The following HM13 variants were observed in gnomAD, a reference collection of about 807,000 sequenced individuals.
HM13 encodes the protein histocompatibility minor 13.
Under a neutral mutation model 50.0 loss-of-function variants are expected in HM13, and 18 were observed. That is an observed-to-expected ratio of 0.36 (90% CI 0.25 to 0.53). HM13 has a LOEUF of 0.53. Among genes scored for constraint, HM13 ranks in the 20% least tolerant of loss-of-function variants. The pLI is 0.90. For missense variants in HM13, 393 were observed against 552.4 expected (o/e 0.71, Z 2.89); for synonymous variants, 197 against 232.6 (o/e 0.85, Z 1.39).
chr20:31,564,607 G>C (rs1197403610), intron 10 of HM13, among the ~76,000 whole-genome samples: 1 of 152,010 alleles, frequency 6.6e-6, no homozygotes, highest in African/African-American at 2.4e-5. Flanking sequence ...GGAATGCTGT[G>C]AGGGAAATTA....
At chr20:31,544,901 GC>G in intron 3 of HM13, 45 bp from the exon 4 acceptor site, 2 of 1,517,474 alleles carry the variant, frequency 1.3e-6, no homozygotes, top group Middle Eastern at 1.7e-4. Context: ...AAGGCTGACT[GC>G]CCATGGGGGC....
At chr20:31,518,910 A>T (rs1273336553) in intron 1 of HM13, among the ~76,000 whole-genome samples, 1 of 151,618 alleles carries the variant, frequency 6.6e-6, no homozygotes, top group African/African-American at 2.4e-5. Context: ...TATGGTGGGG[A>T]GGGTAGGTAA....
chr20:31,538,547 G>C, intron 3 of HM13: 1 of 1,359,868 alleles, frequency 7.4e-7, no homozygotes, highest in Non-Finnish European at 9.5e-7. Flanking sequence ...AGTTGTGACA[G>C]TACTCAGGTG....
intron 4 of HM13, chr20:31,547,384 C>T (rs1254857590): frequency 2.5e-6 from 1 of 402,390 alleles, no homozygotes. Flanking sequence ...CGGTTAGCGA[C>T]AACGGCTCTG....
intron 4 of HM13, among the ~76,000 whole-genome samples, chr20:31,545,342 T>C (rs2122610968): frequency 6.6e-6 from 1 of 150,598 alleles, no homozygotes; most frequent in East Asian, 1.9e-4. Flanking sequence ...TGGAAAGCAT[T>C]CAGCATGGTG....
At position 31,514,909 on chromosome 20, in the gene HM13, G is replaced by C. The variant is rs1981679124; in HGVS notation, c.183+175G>C. On this transcript the variant is annotated intron_variant, in intron 1 of 12. Coordinates refer to ENST00000398174, the MANE Select transcript of HM13 (RefSeq NM_178581.3). This position sits in a 1 kb window ranked among gnomAD's most constrained non-coding sequence, Gnocchi z 4.3. The stretch of plus-strand genomic sequence containing the variant: ...CCGGGGCTGGCATTTCCTACCCCGG[G>C]ATCTGGGCACCGACCCCCGACCAGG... Among the ~76,000 whole-genome samples the C allele has an allele frequency of 6.6e-6, 1 of 152,050 alleles. No individual in the cohort carries two copies. The highest frequency in any genetic ancestry group is 6.6e-5 in the Admixed American group (1 of 15,266).
chr20:31,534,807 C>T (rs368634416), intron 2 of HM13, among the ~76,000 whole-genome samples: 2 of 144,678 alleles, frequency 1.4e-5, no homozygotes. Flanking sequence ...AGAAATGGGC[C>T]GGGTGCAGTG....
At chr20:31,549,394 C>G (rs768793427) in intron 6 of HM13, 62 bp downstream of exon 6, 1 of 1,603,104 alleles carries the variant, frequency 6.2e-7, no homozygotes, top group Non-Finnish European at 8.5e-7. Context: ...CATCACCCTG[C>G]CTCTCTGGCC....
intron 2 of HM13, among the ~76,000 whole-genome samples, chr20:31,528,381 A>G (rs1310929668): frequency 2.6e-5 from 4 of 152,268 alleles, no homozygotes; most frequent in South Asian, 2.1e-4. Context: ...CAATGGCGCC[A>G]TCACAGTTCA....
intron 3 of HM13, among the ~76,000 whole-genome samples, chr20:31,542,308 CTG>C (rs2122602395): frequency 6.6e-6 from 1 of 152,220 alleles, no homozygotes; most frequent in East Asian, 1.9e-4. Flanking sequence ...TCATCTGTGT[CTG>C]AGCTCGTGCC....
chr20:31,523,058 T>G (rs1982270804), intron 1 of HM13, among the ~76,000 whole-genome samples: 1 of 150,808 alleles, frequency 6.6e-6, no homozygotes, highest in African/African-American at 2.5e-5. Flanking sequence ...GGGGGGCTTT[T>G]TTTTTTTTAT....
chr20:31,526,195 C>T (rs1982483270), intron 1 of HM13, among the ~76,000 whole-genome samples: 1 of 150,400 alleles, frequency 6.6e-6, no homozygotes, highest in Non-Finnish European at 1.5e-5. Context: ...CTTGCTGTGT[C>T]TCCCAGGCTA....
At position 31,544,989 on chromosome 20, in the gene HM13, A is replaced by G. The variant is rs371748357; in HGVS notation, c.408A>G (p.Arg136=). ...NKFFPASFPN[R]QYQLLFTQGS... The stretch of plus-strand genomic sequence containing the variant: ...TTTTTCCAGCCAGCTTTCCAAATCG[A>G]CAGTACCAGCTGCTCTTCACACAGG... Residue 136 remains arginine, a synonymous_variant, in exon 4 of 13, where the codon CGA becomes CGG. Transcript: ENST00000398174. The G allele has an allele frequency of 9.9e-6, 16 of 1,614,064 alleles. No individual in the cohort carries two copies. The African/African-American group carries it at 2.0e-4, about 20-fold the overall frequency.
chr20:31,558,796 T>C (rs1984454097), intron 8 of HM13, among the ~76,000 whole-genome samples: 1 of 152,144 alleles, frequency 6.6e-6, no homozygotes, highest in African/African-American at 2.4e-5. Context: ...TGATCTCGGC[T>C]CACTGCAACC....
chr20:31,544,473 T>A (rs1983607377), intron 3 of HM13, among the ~76,000 whole-genome samples: 1 of 152,216 alleles, frequency 6.6e-6, no homozygotes, highest in African/African-American at 2.4e-5. Context: ...ATCTCAGTCC[T>A]GCTGTTGGAA....
At chr20:31,515,658 C>A (rs1981728351) in intron 1 of HM13, among the ~76,000 whole-genome samples, 1 of 152,180 alleles carries the variant, frequency 6.6e-6, no homozygotes, top group South Asian at 2.1e-4. Flanking sequence ...CCTGGCCTTC[C>A]TCAACATCTG....
intron 2 of HM13, among the ~76,000 whole-genome samples, chr20:31,535,777 C>A (rs1165541864): frequency 6.6e-6 from 1 of 152,178 alleles, no homozygotes; most frequent in Non-Finnish European, 1.5e-5. Context: ...AGCTGACCAT[C>A]CCTGTCCTCA....
rs188432571 is a variant in HM13, at chr20:31,548,972, C to T, written c.455-57C>T. ...ATGCCCTCCTCCGTCCAGGGGCTGA[C>T]AGGTGGGAGGGGTAGCCCTGCCTCA... On this transcript the variant is annotated intron_variant, in intron 4 of 12. Transcript: ENST00000398174. 25 of 1,448,354 alleles carry T rather than the reference C, an allele frequency of 1.7e-5. No homozygotes were observed. In the Admixed American group the frequency reaches 3.2e-4, roughly 18 times the overall value. The allele number at this position is 1,448,354 out of a possible 1,614,324, so 89.7% of individuals were successfully genotyped here.
At chr20:31,549,837 G>C (rs1020065336) in intron 6 of HM13, among the ~76,000 whole-genome samples, 3 of 152,152 alleles carry the variant, frequency 2.0e-5, no homozygotes, top group African/African-American at 7.2e-5. Context: ...AACATAGGCT[G>C]CCTGGCTTGG....
Sources: gnomAD v4.1 joint callset for allele counts (sites outside exome capture counted in the v4.1 genomes callset) on GRCh38, gnomAD v4.1.1 for gene constraint, Gnocchi (gnomAD v3.1) non-coding constraint, MANE v1.5 for transcripts, NCBI Gene and HGNC (gene_info 2026-07-23, HGNC 2026-07-21) for gene names.